Variants in FOXM1 observed in about 807,000 individuals in gnomAD.
The protein encoded by FOXM1 is forkhead box M1.
A neutral mutation model predicts 63.6 loss-of-function variants in FOXM1; 25 were observed. The observed-to-expected ratio is 0.39, with a 90% CI of 0.29 to 0.55. The LOEUF (loss-of-function observed/expected upper bound fraction) is 0.55. Ranked by LOEUF, FOXM1 falls within the 20% of genes least tolerant of loss-of-function variation. The probability of loss-of-function intolerance (pLI) is 0.60; values close to 1 mark genes in which losing one functional copy is unlikely to be tolerated. For synonymous variants in FOXM1, 387 were observed against 376.9 expected (o/e 1.03, Z -0.31); for missense variants, 879 against 958.7 (o/e 0.92, Z 1.10).
chr12:2,875,927 ATTTT>A (rs61158737), intron 1 of FOXM1, among the ~76,000 whole-genome samples: 37 of 141,568 alleles, frequency 2.6e-4, no homozygotes, highest in Middle Eastern at 3.6e-3. Context: ...TGCCCAGCTA[ATTTT>A]TTTTTTTTTT....
rs527547602 is a variant in FOXM1 at position 2,861,196 on chromosome 12, T to G, written c.1267-1533A>C. On this transcript the variant is annotated intron_variant, in intron 8 of 8. Coordinates refer to ENST00000359843, the MANE Select transcript of FOXM1 (RefSeq NM_021953.4). ...AAAAAAAAAAAAGAGCTCTCACAAATTGATAACAAAACCTATATAAAAATG... is the reference window on the plus strand; with the variant it reads ...AAAAAAAAAAAAGAGCTCTCACAAAGTGATAACAAAACCTATATAAAAATG... 188 of 599,116 alleles carry G rather than the reference T, an allele frequency of 3.1e-4. 1 individual carries two copies. Among genetic ancestry groups the G allele is most frequent in the Admixed American group, 4.2e-4 (14 of 32,984 alleles). The allele number at this position is 599,116 out of a possible 1,614,324, so 37.1% of individuals were successfully genotyped here.
In FOXM1 at chr12:2,874,462, C is replaced by T. The variant is rs762515798; in HGVS notation, c.17G>A (p.Arg6His). Residue 6 changes from arginine (R) to histidine (H), a missense_variant, in exon 2 of 9, where the codon CGT (arginine) becomes CAT (histidine). Physicochemically the swap from Arg to His is conservative, Grantham distance 29. Around this residue, in one of 4 missense-constraint regions of FOXM1, gnomAD observed 255 missense variants for 292.4 expected, o/e 0.87. Coordinates refer to ENST00000359843, the MANE Select transcript of FOXM1 (RefSeq NM_021953.4). This position sits in a 1 kb window ranked among gnomAD's most constrained non-coding sequence, Gnocchi z 4.3. ...CCGTCTTTTGAGAATCAGTGGCCGACGGGGGCTAGTTTTCATTATGAATCT... is the reference window on the plus strand; with the variant it reads ...CCGTCTTTTGAGAATCAGTGGCCGATGGGGGCTAGTTTTCATTATGAATCT... MKTSP[R>H]RPLILKRRRL... is the part of the protein sequence containing the mutation. The T allele has an allele frequency of 7.5e-6, 12 of 1,609,488 alleles. No individual in the cohort carries two copies. The highest frequency in any genetic ancestry group is 1.3e-5 in the African/African-American group (1 of 74,718).
At position 2,858,378 on chromosome 12, in the gene FOXM1, A is replaced by C. The variant is rs974613944; in HGVS notation, c.*260T>G. ...AATGGAAACAGGCTGGGGGGTTCCT[A>C]ATCTCTTTTCACCATTGCCTTTGTT... is the stretch of plus-strand genomic sequence containing the variant. On this transcript the variant is annotated 3_prime_UTR_variant, in exon 9 of 9. Coordinates refer to ENST00000359843, the MANE Select transcript of FOXM1 (RefSeq NM_021953.4). 4 of 452,442 alleles carry C rather than the reference A, an allele frequency of 8.8e-6. No individual in the cohort carries two copies. The highest frequency in any genetic ancestry group is 3.7e-5 in the Admixed American group (1 of 27,178). The allele number at this position is 452,442 out of a possible 1,614,324, so 28.0% of individuals were successfully genotyped here. A position where few individuals can be genotyped will look rare whatever the true frequency, so the allele number is the denominator to read the frequency against.
chr12:2,861,400 G>A, intron 8 of FOXM1: 2 of 630,316 alleles, frequency 3.2e-6, no homozygotes, highest in Non-Finnish European at 2.8e-6. Flanking sequence ...AACACCACCT[G>A]TTCCCCAAAA....
Position 2,875,727 on chromosome 12 carries a change from C to CTTT in FOXM1, c.-48+1190_-48+1192dup, listed in dbSNP as rs11427501. On this transcript the variant is annotated intron_variant, in intron 1 of 8. Coordinates refer to ENST00000359843, the MANE Select transcript of FOXM1 (RefSeq NM_021953.4). ...GGTTCTGAAATGCTAACAGTGTAGT[C>CTTT]TTTTTTTTTTAAGTCTTTTGTTGAT... is the stretch of plus-strand genomic sequence containing the variant. Among the ~76,000 whole-genome samples, 4 of 144,672 alleles carry CTTT rather than the reference C, an allele frequency of 2.8e-5. 1 individual carries two copies. Among genetic ancestry groups the CTTT allele is most frequent in the African/African-American group, 7.7e-5 (3 of 39,116 alleles). 94.9% of individuals were successfully genotyped at this position (144,672 alleles called of 152,430 possible).
intron 6 of FOXM1, among the ~76,000 whole-genome samples, chr12:2,865,108 G>T (rs974560847): frequency 6.6e-6 from 1 of 152,200 alleles, no homozygotes; most frequent in East Asian, 1.9e-4. Flanking sequence ...TGCGCTTGTG[G>T]CTGCTGCAGC....
In FOXM1 at chr12:2,872,251, G is replaced by A; in HGVS notation, c.503-4C>T. ...CAGCCTGCTGCCTCACCATCTGCTA[G>A]AGGGAAAATAATCCAACACCCCACT... On this transcript the variant is annotated splice_polypyrimidine_tract_variant and splice_region_variant and intron_variant, in intron 2 of 8. Coordinates refer to ENST00000359843, the MANE Select transcript of FOXM1 (RefSeq NM_021953.4). The surrounding 1 kb of genome is among the most constrained non-coding windows in gnomAD (Gnocchi z 4.0). 1 of 1,613,988 alleles carries A rather than the reference G, an allele frequency of 6.2e-7. No homozygotes were observed.
rs1565468136 is a variant in FOXM1, at chr12:2,864,358, GCT to G, written c.1226_1227del (p.Glu409AlafsTer5). On this transcript the variant is annotated frameshift_variant, in exon 8 of 9. Coordinates refer to ENST00000359843, the MANE Select transcript of FOXM1 (RefSeq NM_021953.4). LOFTEE classifies it high-confidence loss of function. The surrounding 1 kb of genome is among the most constrained non-coding windows in gnomAD (Gnocchi z 5.1). ...LPLAASLMSS[E>X]LARHSKRVRI... ...CGGACTCGCTTGCTATGGCGGGCAA[GCT>G]CTGAGCTCATGAGGGAAGCCGCCAG... The G allele has an allele frequency of 6.2e-7, 1 of 1,613,460 alleles. No homozygotes were observed. The highest frequency in any genetic ancestry group is 1.1e-5 in the South Asian group (1 of 91,070).
chr12:2,863,763 G>A (rs1332155761), intron 8 of FOXM1: 1 of 151,668 alleles, frequency 6.6e-6, no homozygotes, highest in African/African-American at 2.4e-5. Flanking sequence ...CCAGGCTGGA[G>A]TGCAGTGATC....
At chr12:2,868,475 T>C (rs1237224228) in intron 4 of FOXM1, 88 bp downstream of exon 4, 2 of 901,788 alleles carry the variant, frequency 2.2e-6, no homozygotes, top group African/African-American at 3.4e-5. Context: ...TGCACTTAAC[T>C]GCTGTCCCAG....
Position 2,865,391 on chromosome 12 carries a change from G to A in FOXM1, c.984C>T (p.Asp328=). The A allele has an allele frequency of 6.2e-7, 1 of 1,610,528 alleles. No homozygotes were observed. The highest frequency in any genetic ancestry group is 1.1e-5 in the South Asian group (1 of 90,586). The change falls in exon 6 of 9, where the codon GAC becomes GAT. Residue 328 remains aspartate (D), a synonymous_variant. Transcript: ENST00000359843. The stretch of plus-strand genomic sequence containing the variant: ...GCTCGGGCAATTGTGGAGACCCTGG[G>A]TCCAGTGGCTGGTGGCGGCCAGGCA... The part of the protein sequence containing the change: ...LTLDQVFKPL[D]PGSPQLPEHL...
chr12:2,870,082 C>T (rs1313511997), intron 3 of FOXM1, among the ~76,000 whole-genome samples: 1 of 151,580 alleles, frequency 6.6e-6, no homozygotes, highest in Non-Finnish European at 1.5e-5. Flanking sequence ...GCTCTGCCTC[C>T]TGGGTTCAAG....
chr12:2,873,948 C>G (rs774159976), intron 2 of FOXM1, 29 bp downstream of exon 2: 2 of 1,589,748 alleles, frequency 1.3e-6, no homozygotes, highest in Non-Finnish European at 1.7e-6. Context: ...GCTGGGCTCC[C>G]TCACCCCTTT....
At chr12:2,867,934 T>C (rs1343141848) in intron 4 of FOXM1, among the ~76,000 whole-genome samples, 2 of 138,798 alleles carry the variant, frequency 1.4e-5, no homozygotes, top group African/African-American at 5.5e-5. Flanking sequence ...TGACCTGAGA[T>C]CTGCCATTGC....
rs2098138718 is a variant in FOXM1, at chr12:2,874,504, T to C, written c.-26A>G. 5 of 1,581,780 alleles carry C rather than the reference T, an allele frequency of 3.2e-6. No homozygotes were observed. The highest frequency in any genetic ancestry group is 2.7e-5 in the African/African-American group (2 of 73,774). Reference sequence around the variant, plus strand: ...TATGAATCTGCGTTTTCACTCTCCATTGAGAATCACAAGTGTGGACCCTGG... The same window carrying C: ...TATGAATCTGCGTTTTCACTCTCCACTGAGAATCACAAGTGTGGACCCTGG... On this transcript the variant is annotated 5_prime_UTR_variant, in exon 2 of 9. The change abolishes an upstream ATG in the 5' untranslated region. Coordinates refer to ENST00000359843, the MANE Select transcript of FOXM1 (RefSeq NM_021953.4). This position sits in a 1 kb window ranked among gnomAD's most constrained non-coding sequence, Gnocchi z 4.3.
Position 2,874,595 on chromosome 12 carries a change from G to A in FOXM1, c.-47-70C>T. On this transcript the variant is annotated intron_variant, in intron 1 of 8. Coordinates refer to ENST00000359843, the MANE Select transcript of FOXM1 (RefSeq NM_021953.4). The surrounding 1 kb of genome is among the most constrained non-coding windows in gnomAD (Gnocchi z 4.3). ...TGAGAAGAGGTCCTTTTAGAGAAAGGTGCTCCTCTTTATATGACCAGGAAC... is the reference window on the plus strand; with the variant it reads ...TGAGAAGAGGTCCTTTTAGAGAAAGATGCTCCTCTTTATATGACCAGGAAC... The A allele has an allele frequency of 9.1e-7, 1 of 1,092,956 alleles. No homozygotes were observed. Among genetic ancestry groups the A allele is most frequent in the East Asian group, 2.4e-5 (1 of 42,272 alleles). The allele number at this position is 1,092,956 out of a possible 1,614,324, so 67.7% of individuals were successfully genotyped here. A position where few individuals can be genotyped will look rare whatever the true frequency, so the allele number is the denominator to read the frequency against.
rs1236101560 is a variant in FOXM1 at position 2,859,407 on chromosome 12, G to A, written c.1523C>T (p.Ser508Phe). 1.2e-6 allele frequency: 2 copies of A among 1,614,094 alleles called. No homozygotes were observed. Among genetic ancestry groups the A allele is most frequent in the Admixed American group, 3.3e-5 (2 of 60,016 alleles). ...SSHSWEDSSQ[S>F]PTPRPKKSYS... The stretch of plus-strand genomic sequence containing the variant: ...GGACTTCTTGGGTCTTGGGGTGGGA[G>A]ATTGGGACGAATCCTCCCAGGAGTG... Residue 508 changes from serine (S) to phenylalanine (F), a missense_variant, in exon 9 of 9, where the codon TCT (serine) becomes TTT (phenylalanine). Physicochemically the swap from Ser to Phe is radical, Grantham distance 155. Coordinates refer to ENST00000359843, the MANE Select transcript of FOXM1 (RefSeq NM_021953.4).
At chr12:2,875,244 C>T (rs1299216127) in intron 1 of FOXM1, among the ~76,000 whole-genome samples, 5 of 152,294 alleles carry the variant, frequency 3.3e-5, no homozygotes, top group South Asian at 2.1e-4. Flanking sequence ...CTGCCCGCCT[C>T]GGCCTCCCAA....
chr12:2,871,260 T>C (rs573047063), intron 3 of FOXM1, among the ~76,000 whole-genome samples: 2 of 152,236 alleles, frequency 1.3e-5, no homozygotes, highest in East Asian at 3.9e-4. Flanking sequence ...ATATATACAA[T>C]AGAATCTAGA....
Sources: gnomAD v4.1 joint callset for allele counts (sites outside exome capture counted in the v4.1 genomes callset) on GRCh38, gnomAD v4.1.1 for gene constraint, gnomAD v4.1.1 regional missense constraint, Gnocchi (gnomAD v3.1) non-coding constraint, MANE v1.5 for transcripts, NCBI Gene and HGNC (gene_info 2026-07-23, HGNC 2026-07-21) for gene names.